The following ATP2C2 variants were observed in gnomAD, a reference collection of about 807,000 sequenced individuals.
The protein encoded by ATP2C2 is ATPase secretory pathway Ca2+ transporting 2.
Under a neutral mutation model 110.8 loss-of-function variants are expected in ATP2C2, and 171 were observed. The ratio of observed to expected loss-of-function variants is 1.54; its 90% CI spans 1.36 to 1.75. ATP2C2 has a LOEUF of 1.75. ATP2C2 is among the 40% of genes most tolerant of loss of function. The probability of loss-of-function intolerance (pLI) is 0.00; values close to 1 mark genes in which losing one functional copy is unlikely to be tolerated. For synonymous variants in ATP2C2, 804 were observed against 508.4 expected (o/e 1.58, Z -7.82); for missense variants, 1,963 against 1,235.0 (o/e 1.59, Z -8.84).
At chr16:84,390,762 C>T (rs1346362320) in intron 1 of ATP2C2, among the ~76,000 whole-genome samples, 1 of 152,104 alleles carries the variant, frequency 6.6e-6, no homozygotes, top group Non-Finnish European at 1.5e-5. Flanking sequence ...TGCTCTAAAA[C>T]AGTTAATTTT....
chr16:84,461,962 T>TCC, intron 25 of ATP2C2, 26 bp from the exon 26 acceptor site: 1 of 1,610,960 alleles, frequency 6.2e-7, no homozygotes. Flanking sequence ...CAGCACACAA[T>TCC]CCCCCGTGTG....
chr16:84,368,552 C>T lies in ATP2C2; in HGVS notation c.-64C>T. On this transcript the variant is annotated 5_prime_UTR_variant, in exon 1 of 27. Transcript: ENST00000262429. ...GGGTCCGGCCCAGGAGGCTTGGGCG[C>T]GCGCAGCCATCCCGGGCCTCGCCGG... 1 of 1,313,586 alleles carries T rather than the reference C, an allele frequency of 7.6e-7. No homozygotes were observed. Among genetic ancestry groups the T allele is most frequent in the African/African-American group, 1.6e-5 (1 of 64,238 alleles). 81.4% of individuals were successfully genotyped at this position (1,313,586 alleles called of 1,614,324 possible).
chr16:84,400,859 A>G (rs1905274691), intron 2 of ATP2C2, among the ~76,000 whole-genome samples: 1 of 152,152 alleles, frequency 6.6e-6, no homozygotes. Context: ...TGCCATTCAT[A>G]TGTCTTCTTT....
chr16:84,446,973 G>A (rs1443022094), intron 16 of ATP2C2, among the ~76,000 whole-genome samples: 1 of 152,182 alleles, frequency 6.6e-6, no homozygotes, highest in South Asian at 2.1e-4. Flanking sequence ...ATCAGCGTGT[G>A]CACACGTGTT....
rs181306466 is a variant in ATP2C2, at chr16:84,408,976, A to G, written c.417+482A>G. 2.4e-3 allele frequency among the ~76,000 whole-genome samples: 366 copies of G among 152,278 alleles called. 2 individuals are homozygous for G. Among genetic ancestry groups the G allele is most frequent in the African/African-American group, 8.6e-3 (358 of 41,564 alleles). ...CCACCACCACCTCTGCCTAGTTCCA[A>G]AACATTTTCATCACCCAGAAGGAAA... On this transcript the variant is annotated intron_variant, in intron 4 of 26. Coordinates refer to ENST00000262429, the MANE Select transcript of ATP2C2 (RefSeq NM_014861.4).
At chr16:84,463,115 A>G (rs1911555292) in intron 26 of ATP2C2, 1 of 164,870 alleles carries the variant, frequency 6.1e-6, no homozygotes, top group South Asian at 1.6e-4. Context: ...CAGCCCGTAC[A>G]TCAGGAATCA....
intron 11 of ATP2C2, among the ~76,000 whole-genome samples, chr16:84,437,601 C>T (rs532472820): frequency 1.3e-5 from 2 of 152,136 alleles, no homozygotes; most frequent in African/African-American, 2.4e-5. Flanking sequence ...CTGCAACCTC[C>T]GCCTCTCAGG....
chr16:84,401,051 G>T (rs569660421), intron 2 of ATP2C2, among the ~76,000 whole-genome samples: 58 of 152,118 alleles, frequency 3.8e-4, no homozygotes, highest in Middle Eastern at 3.4e-3. Flanking sequence ...TTCCTTTGCT[G>T]TGCAGAAGCC....
At chr16:84,423,401 C>T (rs577326961) in intron 10 of ATP2C2, 138 bp downstream of exon 10, 2 of 749,796 alleles carry the variant, frequency 2.7e-6, no homozygotes, top group East Asian at 2.7e-5. Flanking sequence ...AGGCTCTCCA[C>T]AAGCAACAAG....
At chr16:84,453,040 G>C (rs1176792117) in intron 18 of ATP2C2, 98 bp from the exon 19 acceptor site, 1 of 1,279,408 alleles carries the variant, frequency 7.8e-7, no homozygotes, top group Non-Finnish European at 1.1e-6. Flanking sequence ...CTCCAGCATG[G>C]TTTTATTCTT....
At chr16:84,419,328 G>A (rs1907120317) in intron 7 of ATP2C2, among the ~76,000 whole-genome samples, 1 of 150,368 alleles carries the variant, frequency 6.7e-6, no homozygotes, top group South Asian at 2.1e-4. Context: ...TGCATTCCTT[G>A]GCTCATGGCT....
rs141074709 is a variant in ATP2C2, at chr16:84,418,868, C to T, written c.624+3277C>T. Reference sequence around the variant, plus strand: ...AAACAAGGTGAAGATATGGTCTGACCTTCTGGAGGTCAAAATTGAAATCGT... The same window carrying T: ...AAACAAGGTGAAGATATGGTCTGACTTTCTGGAGGTCAAAATTGAAATCGT... On this transcript the variant is annotated intron_variant, in intron 7 of 26. Coordinates refer to ENST00000262429, the MANE Select transcript of ATP2C2 (RefSeq NM_014861.4). Among the ~76,000 whole-genome samples, 831 of 152,150 alleles carry T rather than the reference C, an allele frequency of 5.5e-3. 11 individuals are homozygous for T. Among genetic ancestry groups the T allele is most frequent in the African/African-American group, 0.019 (806 of 41,468 alleles).
At chr16:84,444,684 C>T (rs1029464321) in intron 15 of ATP2C2, among the ~76,000 whole-genome samples, 6 of 152,318 alleles carry the variant, frequency 3.9e-5, no homozygotes, top group South Asian at 2.1e-4. Context: ...ACCTTGCTTC[C>T]GCCACCAGCC....
In ATP2C2 at chr16:84,438,997, G is replaced by A. The variant is rs1463704232; in HGVS notation, c.987-169G>A. ...TGCAGGGGAGGGCTCAGGACAGTGG[G>A]TGCTGCAGAAGGAGGCAGGTGCACC... On this transcript the variant is annotated intron_variant, in intron 11 of 26. Coordinates refer to ENST00000262429, the MANE Select transcript of ATP2C2 (RefSeq NM_014861.4). The A allele has an allele frequency of 5.2e-6, 5 of 968,260 alleles. No homozygotes were observed. In the African/African-American group the frequency reaches 8.1e-5, roughly 16 times the overall value. 60.0% of individuals were successfully genotyped at this position (968,260 alleles called of 1,614,324 possible).
intron 1 of ATP2C2, among the ~76,000 whole-genome samples, chr16:84,380,758 A>G (rs531683310): frequency 6.6e-6 from 1 of 152,348 alleles, no homozygotes; most frequent in South Asian, 2.1e-4. Flanking sequence ...TGGGGTAGTA[A>G]CTAAGTGTAC....
At chr16:84,393,516 G>C (rs923936563) in intron 1 of ATP2C2, among the ~76,000 whole-genome samples, 1 of 152,168 alleles carries the variant, frequency 6.6e-6, no homozygotes. Flanking sequence ...GGCTGAAGTC[G>C]GTTGAGAAGT....
chr16:84,418,678 C>G (rs1239026218), intron 7 of ATP2C2, among the ~76,000 whole-genome samples: 1 of 152,176 alleles, frequency 6.6e-6, no homozygotes, highest in Non-Finnish European at 1.5e-5. Flanking sequence ...GGACATGACC[C>G]CGGGCCTCTA....
chr16:84,416,084 A>G (rs247809), intron 7 of ATP2C2, among the ~76,000 whole-genome samples: 111,869 of 152,146 alleles, frequency 0.74, 42,149 homozygotes, highest in African/African-American at 0.9. Flanking sequence ...TGAGGCAGGA[A>G]AATCACTTGA....
intron 11 of ATP2C2, among the ~76,000 whole-genome samples, chr16:84,435,226 C>T (rs1478767217): frequency 6.6e-6 from 1 of 152,266 alleles, no homozygotes; most frequent in Non-Finnish European, 1.5e-5. Context: ...AATCAGATCA[C>T]TTCTAATAAG....
Sources: gnomAD v4.1 joint callset for allele counts (sites outside exome capture counted in the v4.1 genomes callset) on GRCh38, gnomAD v4.1.1 for gene constraint, MANE v1.5 for transcripts, NCBI Gene and HGNC (gene_info 2026-07-23, HGNC 2026-07-21) for gene names.